The following MYO15B variants were observed in gnomAD, a reference collection of about 807,000 sequenced individuals.
MYO15B encodes myosin XVB pseudogene.
A neutral mutation model predicts 119.3 loss-of-function variants in MYO15B; 207 were observed. The ratio of observed to expected loss-of-function variants is 1.73; its 90% CI spans 1.55 to 1.95. The LOEUF is 1.95. Among genes scored for constraint, MYO15B ranks in the 30% most tolerant of loss-of-function variants. The probability of loss-of-function intolerance (pLI) is 0.00; values close to 1 mark genes in which losing one functional copy is unlikely to be tolerated. For synonymous variants in MYO15B, 966 were observed against 498.9 expected (o/e 1.94, Z -12.48); for missense variants, 2,264 against 1,203.1 (o/e 1.88, Z -13.04).
Position 75,615,346 on chromosome 17 carries a change from T to C in MYO15B, c.5740+8T>C, listed in dbSNP as rs1193162345. 38 of 701,272 alleles carry C rather than the reference T, an allele frequency of 5.4e-5. No individual in the cohort carries two copies. Among genetic ancestry groups the C allele is most frequent in the Non-Finnish European group, 9.1e-5 (35 of 384,048 alleles). The allele number at this position is 701,272 out of a possible 1,614,324, so 43.4% of individuals were successfully genotyped here. ...CAGTCCCTGCCATGCCAGGTAAGTC[T>C]GGGCTGGGGGCACCAGAGTCCCTTC... On this transcript the variant is annotated splice_region_variant and intron_variant, in intron 34 of 63. Coordinates refer to ENST00000645453, the Ensembl canonical transcript of MYO15B.
Position 75,589,052 on chromosome 17 carries a change from C to A in MYO15B, c.995C>A (p.Ala332Asp), listed in dbSNP as rs2056239558. ...GCAGGAGCGGGGCCGGAGGACCCAG[C>A]CCCGCTGGCGGCCCTCCTGGTGGTC... Residue 332 changes from alanine to aspartate, a missense_variant, in exon 1 of 64, where the codon GCC becomes GAC. Ala to Asp is a moderately radical substitution (Grantham distance 126, BLOSUM62 -2). Coordinates refer to ENST00000645453, the Ensembl canonical transcript of MYO15B. This position sits in a 1 kb window ranked among gnomAD's most constrained non-coding sequence, Gnocchi z 4.2. The A allele has an allele frequency of 2.5e-6, 1 of 396,350 alleles. No individual in the cohort carries two copies. The highest frequency in any genetic ancestry group is 4.5e-6 in the Non-Finnish European group (1 of 224,540). 24.6% of individuals were successfully genotyped at this position (396,350 alleles called of 1,614,324 possible).
intron 20 of MYO15B, 96 bp from the exon 21 acceptor site, chr17:75,605,768 A>G (rs1008181967): frequency 1.4e-4 from 92 of 649,164 alleles, no homozygotes; most frequent in Middle Eastern, 2.8e-4. Context: ...AGAAGAACAA[A>G]TGGTTTGGCT....
intron 63 of MYO15B, 78 bp from the exon 64 acceptor site, chr17:75,626,329 C>G (rs538783748): frequency 1.2e-4 from 82 of 700,786 alleles, no homozygotes; most frequent in Non-Finnish European, 2.0e-4. Context: ...ATGCCCACTG[C>G]TCCGGAGTGC....
In MYO15B at chr17:75,622,005, CCT is replaced by C. The variant is rs1476995254; in HGVS notation, c.8008_8009del (p.Leu2670AspfsTer6). The C allele has an allele frequency of 1.4e-6, 1 of 702,946 alleles. No individual in the cohort carries two copies. Among genetic ancestry groups the C allele is most frequent in the South Asian group, 1.5e-5 (1 of 67,602 alleles). The allele number at this position is 702,946 out of a possible 1,614,324, so 43.5% of individuals were successfully genotyped here. On this transcript the variant is annotated frameshift_variant and splice_region_variant, in exon 53 of 64. Coordinates refer to ENST00000645453, the Ensembl canonical transcript of MYO15B. LOFTEE classifies it high-confidence loss of function. ...CCCTGTTTCTTATCGTGCCTGCAGC[CCT>C]GATGCGGTTTATGGGTGACCAGTCC...
rs1387049924 is a variant in MYO15B at position 75,621,176 on chromosome 17, T to C, written c.7871T>C (p.Leu2624Ser). The change falls in exon 50 of 64, where the codon TTG becomes TCG. Residue 2624 changes from leucine to serine, a missense_variant and splice_region_variant. Transcript: ENST00000645453. ...CGTTACTTCCGGAGGTCCCAGGCCTTGTGAGTGCACTGGGCCAACCCCTGT... is the reference window on the plus strand; with the variant it reads ...CGTTACTTCCGGAGGTCCCAGGCCTCGTGAGTGCACTGGGCCAACCCCTGT... The C allele has an allele frequency of 7.2e-6, 5 of 691,602 alleles. No homozygotes were observed. In the African/African-American group the frequency reaches 8.7e-5, roughly 12 times the overall value. The allele number at this position is 691,602 out of a possible 1,614,324, so 42.8% of individuals were successfully genotyped here.
At chr17:75,610,906 C>T (rs765635972) in exon 23 of MYO15B, 12 of 702,916 alleles carry the variant, frequency 1.7e-5, no homozygotes, top group African/African-American at 5.2e-5. Context: ...ACAGCTTGGG[C>T]GTTGGCAGGG....
chr17:75,617,361 G>A (rs576891342), intron 41 of MYO15B, 57 bp downstream of exon 41: 14 of 586,668 alleles, frequency 2.4e-5, no homozygotes, highest in Non-Finnish European at 3.9e-5. Flanking sequence ...GGCAGGGTTC[G>A]CACAGACTCT....
At chr17:75,592,000 C>G (rs1405905286) in exon 6 of MYO15B, 1 of 702,742 alleles carries the variant, frequency 1.4e-6, no homozygotes, top group South Asian at 1.5e-5. Flanking sequence ...TGCCTATACT[C>G]AGCAGCTTTG....
At chr17:75,626,512 G>T in exon 64 of MYO15B, 1 of 703,014 alleles carries the variant, frequency 1.4e-6, no homozygotes, top group Non-Finnish European at 2.6e-6. Flanking sequence ...GAGAGAAGAG[G>T]ATGAGGCCTC....
At position 75,614,890 on chromosome 17, in the gene MYO15B, C is replaced by T. The variant is rs570906692; in HGVS notation, c.5559+41C>T. 8.4e-5 allele frequency: 59 copies of T among 702,906 alleles called. 2 individuals are homozygous for T. The South Asian group carries it at 8.6e-4, about 10-fold the overall frequency. 43.5% of individuals were successfully genotyped at this position (702,906 alleles called of 1,614,324 possible). A position where few individuals can be genotyped will look rare whatever the true frequency, so the allele number is the denominator to read the frequency against. ...CCCCCAAATGCCCCTGCCCCAACCC[C>T]CCGGGGCCTCTGCTGCCCCTTCCAT... On this transcript the variant is annotated intron_variant, in intron 32 of 63. Coordinates refer to ENST00000645453, the Ensembl canonical transcript of MYO15B.
intron 23 of MYO15B, among the ~76,000 whole-genome samples, chr17:75,611,283 A>AT (rs2058011054): frequency 6.6e-6 from 1 of 151,906 alleles, no homozygotes; most frequent in Non-Finnish European, 1.5e-5. Flanking sequence ...GCAACATGAC[A>AT]AGACCCCATC....
intron 33 of MYO15B, 44 bp from the exon 34 acceptor site, chr17:75,615,196 T>A (rs1439524719): frequency 1.4e-6 from 1 of 691,526 alleles, no homozygotes; most frequent in East Asian, 2.7e-5. Flanking sequence ...GGAGGTGGCA[T>A]GTGGGCCCAG....
intron 20 of MYO15B, 34 bp downstream of exon 20, chr17:75,605,655 C>T (rs112168478): frequency 1.4e-6 from 1 of 701,366 alleles, no homozygotes; most frequent in Non-Finnish European, 2.6e-6. Context: ...CAGAGGGCAG[C>T]ATGAATGGGA....
intron 21 of MYO15B, chr17:75,606,943 C>T (rs951055295): frequency 1.0e-5 from 4 of 398,504 alleles, no homozygotes; most frequent in Non-Finnish European, 1.8e-5. Context: ...CCTGTCTTCA[C>T]ACATTCCTCC....
At chr17:75,623,357 G>A (rs970984166) in intron 53 of MYO15B, among the ~76,000 whole-genome samples, 11 of 152,056 alleles carry the variant, frequency 7.2e-5, no homozygotes, top group South Asian at 2.1e-4. Context: ...GGCCGGGCAC[G>A]GAGGCCCACA....
At chr17:75,598,630 A>T (rs1046083557) in intron 14 of MYO15B, among the ~76,000 whole-genome samples, 3 of 152,122 alleles carry the variant, frequency 2.0e-5, no homozygotes, top group African/African-American at 7.2e-5. Context: ...AATGCAATAC[A>T]TGTCTTCATG....
intron 40 of MYO15B, 51 bp downstream of exon 40, chr17:75,617,012 G>C: frequency 1.4e-6 from 1 of 698,308 alleles, no homozygotes; most frequent in South Asian, 1.5e-5. Context: ...GCACTGGGGA[G>C]CTCAAGGCTC....
intron 12 of MYO15B, 139 bp from the exon 13 acceptor site, chr17:75,596,321 T>C (rs2147778072): frequency 1.6e-6 from 1 of 618,336 alleles, no homozygotes; most frequent in Non-Finnish European, 2.9e-6. Context: ...TGCCGGATCC[T>C]TTAGACTTGA....
rs2059085712 is a variant in MYO15B, at chr17:75,626,637, C to T, written c.*153C>T. The T allele has an allele frequency of 1.3e-5, 8 of 618,144 alleles. No individual in the cohort carries two copies. In the South Asian group the frequency reaches 1.5e-4, roughly 12 times the overall value. 38.3% of individuals were successfully genotyped at this position (618,144 alleles called of 1,614,324 possible). A position where few individuals can be genotyped will look rare whatever the true frequency, so the allele number is the denominator to read the frequency against. ...CATGCAGGCCATGAGGCAGGGGCTG[C>T]TATCACGTCACCAGCAGGCAAAGAA... is the stretch of plus-strand genomic sequence containing the variant. On this transcript the variant is annotated 3_prime_UTR_variant, in exon 64 of 64. Coordinates refer to ENST00000645453, the Ensembl canonical transcript of MYO15B.
Sources: allele counts gnomAD v4.1 joint callset (sites outside exome capture counted in the v4.1 genomes callset), GRCh38; gene constraint gnomAD v4.1.1; non-coding constraint Gnocchi (gnomAD v3.1); transcripts MANE v1.5; gene names NCBI Gene and HGNC (gene_info 2026-07-23, HGNC 2026-07-21).